DNAJC5: variants seen among roughly 807,000 people sequenced by gnomAD.
DNAJC5 encodes dnaJ homolog subfamily C member 5.
DNAJC5 carries 1 observed loss-of-function variant against 23.2 expected under a neutral mutation model. The observed-to-expected ratio is 0.04, with a 90% CI of 0.02 to 0.20. The LOEUF (loss-of-function observed/expected upper bound fraction) is 0.20. Ranked by LOEUF, DNAJC5 falls within the 10% of genes least tolerant of loss-of-function variation. The pLI is 1.00. For synonymous variants in DNAJC5, 136 were observed against 120.0 expected (o/e 1.13, Z -0.87); for missense variants, 180 against 267.0 (o/e 0.67, Z 2.27).
intron 1 of DNAJC5, among the ~76,000 whole-genome samples, chr20:63,901,212 A>T (rs1215287082): frequency 6.6e-6 from 1 of 152,124 alleles, no homozygotes; most frequent in Non-Finnish European, 1.5e-5. Flanking sequence ...TAATCAACCC[A>T]CCTTGGCCTC....
intron 1 of DNAJC5, among the ~76,000 whole-genome samples, chr20:63,899,838 C>G (rs965678883): frequency 4.6e-5 from 7 of 150,860 alleles, no homozygotes; most frequent in Non-Finnish European, 7.4e-5. Flanking sequence ...ATCTTGGCCT[C>G]CCAAAGTGCT....
In DNAJC5 at chr20:63,920,388, G is replaced by C. The variant is rs1334643861; in HGVS notation, c.-11-7947G>C. Among the ~76,000 whole-genome samples, 1 of 152,182 alleles carries C rather than the reference G, an allele frequency of 6.6e-6. No homozygotes were observed. Among genetic ancestry groups the C allele is most frequent in the Non-Finnish European group, 1.5e-5 (1 of 68,038 alleles). ...GTGGGTGTGGTGGGGGAAGGGGCTG[G>C]CGTCAGCAGGGCTCTCGTCCGCCAA... On this transcript the variant is annotated intron_variant, in intron 1 of 4. Coordinates refer to ENST00000360864, the MANE Select transcript of DNAJC5 (RefSeq NM_025219.3). The surrounding 1 kb of genome is among the most constrained non-coding windows in gnomAD (Gnocchi z 4.6).
rs529877033 is a variant in DNAJC5, at chr20:63,928,991, G to A, written c.108-321G>A. On this transcript the variant is annotated intron_variant, in intron 2 of 4. Transcript: ENST00000360864. This position sits in a 1 kb window ranked among gnomAD's most constrained non-coding sequence, Gnocchi z 4.6. ...ATCATTACGCCCCGCCGTGCTTACCGTTCACTTGGCACTTGTGCAGTTAGC... is the reference window on the plus strand; with the variant it reads ...ATCATTACGCCCCGCCGTGCTTACCATTCACTTGGCACTTGTGCAGTTAGC... Among the ~76,000 whole-genome samples the A allele has an allele frequency of 2.0e-5, 3 of 152,210 alleles. No individual in the cohort carries two copies. Among genetic ancestry groups the A allele is most frequent in the Non-Finnish European group, 4.4e-5 (3 of 68,040 alleles).
chr20:63,927,198 T>G (rs542996508), intron 1 of DNAJC5, among the ~76,000 whole-genome samples: 2 of 152,190 alleles, frequency 1.3e-5, no homozygotes, highest in African/African-American at 4.8e-5. Flanking sequence ...GTCATGGTGG[T>G]TGATTAGTTA....
At chr20:63,911,676 ATTC>A (rs1411134236) in intron 1 of DNAJC5, among the ~76,000 whole-genome samples, 18 of 151,194 alleles carry the variant, frequency 1.2e-4, no homozygotes, top group Admixed American at 1.2e-3. Flanking sequence ...GACTTTAGGA[ATTC>A]TTTTTTTTTT....
Position 63,928,444 on chromosome 20 carries a change from G to A in DNAJC5, c.99G>A (p.Lys33=), listed in dbSNP as rs2146303993. 2 of 1,613,896 alleles carry A rather than the reference G, an allele frequency of 1.2e-6. No homozygotes were observed. Among genetic ancestry groups the A allele is most frequent in the Non-Finnish European group, 1.7e-6 (2 of 1,179,914 alleles). ...DKNATSDDIK[K]SYRKLALKYH... ...ACGCAACCTCAGATGACATTAAAAA[G>A]TCCTATCGGTAAGTGGACAAGTGTG... Residue 33 remains lysine (K), a synonymous_variant, in exon 2 of 5, where the codon AAG becomes AAA. Transcript: ENST00000360864. This position sits in a 1 kb window ranked among gnomAD's most constrained non-coding sequence, Gnocchi z 4.6.
chr20:63,917,619 G>A lies in DNAJC5; in HGVS notation c.-11-10716G>A, dbSNP rs1046694693. Among the ~76,000 whole-genome samples, 8 of 152,004 alleles carry A rather than the reference G, an allele frequency of 5.3e-5. No individual in the cohort carries two copies. The East Asian group carries it at 9.7e-4, about 18-fold the overall frequency. ...CGCCCAGGCTGGAGTGCAGTGGCGCGATCTCGGCTCACTGCAACCTCTGCC... is the reference window on the plus strand; with the variant it reads ...CGCCCAGGCTGGAGTGCAGTGGCGCAATCTCGGCTCACTGCAACCTCTGCC... On this transcript the variant is annotated intron_variant, in intron 1 of 4. Coordinates refer to ENST00000360864, the MANE Select transcript of DNAJC5 (RefSeq NM_025219.3).
chr20:63,929,632 AC>A lies in DNAJC5; in HGVS notation c.321+110del. 1 of 1,010,330 alleles carries A rather than the reference AC, an allele frequency of 9.9e-7. No individual in the cohort carries two copies. 62.6% of individuals were successfully genotyped at this position (1,010,330 alleles called of 1,614,324 possible). On this transcript the variant is annotated intron_variant, in intron 3 of 4. Coordinates refer to ENST00000360864, the MANE Select transcript of DNAJC5 (RefSeq NM_025219.3). The surrounding 1 kb of genome is among the most constrained non-coding windows in gnomAD (Gnocchi z 8.6). ...CCCGAGTCACTCCTGCCGTGCGGGC[AC>A]CCGAGTCTCTCCTGCCGTGCGGGCA... is the stretch of plus-strand genomic sequence containing the variant.
intron 1 of DNAJC5, among the ~76,000 whole-genome samples, chr20:63,896,474 C>A (rs980725226): frequency 6.6e-6 from 1 of 152,158 alleles, no homozygotes; most frequent in Admixed American, 6.5e-5. Context: ...CTGAGGGACA[C>A]CCCTGGCGAG....
intron 1 of DNAJC5, among the ~76,000 whole-genome samples, chr20:63,924,811 G>A (rs950596373): frequency 2.0e-5 from 3 of 152,188 alleles, no homozygotes; most frequent in African/African-American, 4.8e-5. Flanking sequence ...TTTTCTTCTC[G>A]GTCACTTTGC....
intron 1 of DNAJC5, among the ~76,000 whole-genome samples, chr20:63,899,834 G>A (rs1186928254): frequency 1.3e-5 from 2 of 150,598 alleles, no homozygotes; most frequent in Admixed American, 6.6e-5. Context: ...GCCCATCTTG[G>A]CCTCCCAAAG....
chr20:63,920,512 G>A lies in DNAJC5; in HGVS notation c.-11-7823G>A, dbSNP rs1233660424. Among the ~76,000 whole-genome samples the A allele has an allele frequency of 6.6e-6, 1 of 152,224 alleles. No homozygotes were observed. Among genetic ancestry groups the A allele is most frequent in the African/African-American group, 2.4e-5 (1 of 41,458 alleles). Reference sequence around the variant, plus strand: ...GTGGCTGCCCTGGCGTAGGGAGGGAGGACACGGGTCCCCGCCATTTCAGAA... The same window carrying A: ...GTGGCTGCCCTGGCGTAGGGAGGGAAGACACGGGTCCCCGCCATTTCAGAA... On this transcript the variant is annotated intron_variant, in intron 1 of 4. Transcript: ENST00000360864. This position sits in a 1 kb window ranked among gnomAD's most constrained non-coding sequence, Gnocchi z 4.6.
intron 1 of DNAJC5, among the ~76,000 whole-genome samples, chr20:63,896,302 CAA>C (rs941800306): frequency 5.3e-5 from 8 of 152,308 alleles, no homozygotes; most frequent in Middle Eastern, 3.4e-3. Flanking sequence ...GTCTGTCAAA[CAA>C]GAGATGAAAT....
intron 1 of DNAJC5, among the ~76,000 whole-genome samples, chr20:63,906,439 G>A (rs751396487): frequency 6.6e-5 from 10 of 152,040 alleles, no homozygotes; most frequent in Admixed American, 1.3e-4. Flanking sequence ...GCAGTGAGCC[G>A]ACATTGCTCC....
chr20:63,918,023 C>T (rs2053527926), intron 1 of DNAJC5, among the ~76,000 whole-genome samples: 1 of 152,214 alleles, frequency 6.6e-6, no homozygotes, highest in Admixed American at 6.6e-5. Context: ...CGCCCTTCGC[C>T]ACCCACCGCG....
chr20:63,916,401 C>T (rs1042593973), intron 1 of DNAJC5, among the ~76,000 whole-genome samples: 21 of 152,282 alleles, frequency 1.4e-4, no homozygotes, highest in South Asian at 6.2e-4. Context: ...CCGCGATGCC[C>T]GCCTGAGCCA....
chr20:63,931,407 C>A lies in DNAJC5; in HGVS notation c.494-58C>A, dbSNP rs1011454795. ...CCCGAAAGTCGCTCCACAGGACCAG[C>A]GTTGGGTGCGCGCCAGGCTGTGGCC... On this transcript the variant is annotated intron_variant, in intron 4 of 4. Transcript: ENST00000360864. This position sits in a 1 kb window ranked among gnomAD's most constrained non-coding sequence, Gnocchi z 9.6. The A allele has an allele frequency of 1.4e-6, 2 of 1,477,264 alleles. No individual in the cohort carries two copies. Among genetic ancestry groups the A allele is most frequent in the Non-Finnish European group, 1.8e-6 (2 of 1,093,932 alleles). 91.5% of individuals were successfully genotyped at this position (1,477,264 alleles called of 1,614,324 possible).
In DNAJC5 at chr20:63,920,128, G is replaced by A. The variant is rs1326438752; in HGVS notation, c.-11-8207G>A. ...GCCCAGGGCCCGGGACAGCGCCACG[G>A]AAGAGGACGCACAGGACAGCGCCAC... On this transcript the variant is annotated intron_variant, in intron 1 of 4. Coordinates refer to ENST00000360864, the MANE Select transcript of DNAJC5 (RefSeq NM_025219.3). This position sits in a 1 kb window ranked among gnomAD's most constrained non-coding sequence, Gnocchi z 4.6. Among the ~76,000 whole-genome samples the A allele has an allele frequency of 6.8e-6, 1 of 146,144 alleles. No homozygotes were observed. Among genetic ancestry groups the A allele is most frequent in the East Asian group, 2.0e-4 (1 of 4,880 alleles).
rs565595294 is a variant in DNAJC5, at chr20:63,906,166, C to T, written c.-12+10843C>T. On this transcript the variant is annotated intron_variant, in intron 1 of 4. Coordinates refer to ENST00000360864, the MANE Select transcript of DNAJC5 (RefSeq NM_025219.3). ...ATGTATTAAGCTTTGTAAACTTTGT[C>T]TATATATGTACTTATTTTACTTTTA... 8.5e-5 allele frequency among the ~76,000 whole-genome samples: 13 copies of T among 152,102 alleles called. 1 individual carries two copies. Among genetic ancestry groups the T allele is most frequent in the East Asian group, 1.9e-4 (1 of 5,166 alleles).
Sources: allele counts gnomAD v4.1 joint callset (sites outside exome capture counted in the v4.1 genomes callset), GRCh38; gene constraint gnomAD v4.1.1; non-coding constraint Gnocchi (gnomAD v3.1); transcripts MANE v1.5; gene names NCBI Gene and HGNC (gene_info 2026-07-23, HGNC 2026-07-21).